The following SLC36A1 variants were observed in gnomAD, a reference collection of about 807,000 sequenced individuals.
SLC36A1 encodes solute carrier family 36 member 1, also known as proton-coupled amino acid transporter 1.
Under a neutral mutation model 47.5 loss-of-function variants are expected in SLC36A1, and 30 were observed. The observed-to-expected ratio is 0.63, with a 90% CI of 0.47 to 0.86. The LOEUF is 0.86. Ranked by LOEUF, SLC36A1 falls within the 40% of genes least tolerant of loss-of-function variation. The pLI is 0.00. For missense variants in SLC36A1, 517 were observed against 606.0 expected (o/e 0.85, Z 1.54); for synonymous variants, 255 against 249.7 (o/e 1.02, Z -0.20).
chr5:151,507,507 G>T, the SLC36A1 span: 1 of 1,614,128 alleles, frequency 6.2e-7, no homozygotes, highest in Non-Finnish European at 8.5e-7. Flanking sequence ...GAACGCCACG[G>T]CCACTGTGAT....
At chr5:151,430,162 C>CTTT in the SLC36A1 span, among the ~76,000 whole-genome samples, 1 of 130,704 alleles carries the variant, frequency 7.7e-6, no homozygotes. Context: ...ATTAGCTAAA[C>CTTT]TTTTTTTTTT....
At chr5:151,408,310 T>A in the SLC36A1 span, among the ~76,000 whole-genome samples, 7 of 152,130 alleles carry the variant, frequency 4.6e-5, no homozygotes, top group African/African-American at 1.7e-4. Flanking sequence ...TGCCTCAGCC[T>A]CCCAAGTAGC....
At chr5:151,454,083 A>ATT (rs35097474) in intron 1 of SLC36A1, among the ~76,000 whole-genome samples, 13,459 of 87,302 alleles carry the variant, frequency 0.15, 798 homozygotes, top group African/African-American at 0.21. Context: ...GTACACTTAA[A>ATT]TTTTTTTTTT....
intron 1 of SLC36A1, among the ~76,000 whole-genome samples, chr5:151,458,311 CGTA>C (rs1754932056): frequency 2.3e-5 from 1 of 43,902 alleles, no homozygotes; most frequent in African/African-American, 1.4e-4. Context: ...CGTGTATATA[CGTA>C]TATATATATA....
chr5:151,353,739 T>C, the SLC36A1 span, among the ~76,000 whole-genome samples: 1 of 152,160 alleles, frequency 6.6e-6, no homozygotes, highest in Non-Finnish European at 1.5e-5. Context: ...CTTTTCTAAC[T>C]CCTGGCAACT....
chr5:151,371,618 C>G, the SLC36A1 span, among the ~76,000 whole-genome samples: 3 of 152,116 alleles, frequency 2.0e-5, no homozygotes, highest in African/African-American at 7.2e-5. Context: ...AATATTCTAT[C>G]TTGTTATCAA....
the SLC36A1 span, among the ~76,000 whole-genome samples, chr5:151,428,574 AG>A: frequency 6.6e-6 from 1 of 152,120 alleles, no homozygotes; most frequent in Non-Finnish European, 1.5e-5. Flanking sequence ...CAGAACAGGC[AG>A]CCTGGCCTTC....
the SLC36A1 span, chr5:151,510,021 C>T: frequency 1.2e-6 from 2 of 1,613,898 alleles, no homozygotes; most frequent in Non-Finnish European, 1.7e-6. Flanking sequence ...CTGGGATTAC[C>T]TGTCTCCTGT....
At chr5:151,554,268 T>C in the SLC36A1 span, 10 of 1,159,858 alleles carry the variant, frequency 8.6e-6, no homozygotes, top group South Asian at 1.5e-5. Flanking sequence ...ATTTCCCTTA[T>C]GCTGGTGGGC....
the SLC36A1 span, among the ~76,000 whole-genome samples, chr5:151,400,250 T>C: frequency 1.5e-4 from 23 of 152,194 alleles, no homozygotes; most frequent in Non-Finnish European, 2.6e-4. Context: ...TCAGTGAGAA[T>C]ATGTGGTATT....
At chr5:151,357,010 C>A in the SLC36A1 span, among the ~76,000 whole-genome samples, 1 of 152,170 alleles carries the variant, frequency 6.6e-6, no homozygotes, top group Non-Finnish European at 1.5e-5. Flanking sequence ...AGCACTTGAC[C>A]CATCCAGAAT....
chr5:151,487,389 G>A (rs776213239), intron 10 of SLC36A1, among the ~76,000 whole-genome samples: 1 of 151,730 alleles, frequency 6.6e-6, no homozygotes, highest in Non-Finnish European at 1.5e-5. Context: ...GCCAGTGGGT[G>A]TCCTGTCACA....
chr5:151,479,765 C>A, intron 10 of SLC36A1: 1 of 529,656 alleles, frequency 1.9e-6, no homozygotes, highest in Non-Finnish European at 3.3e-6. Flanking sequence ...AGAGTAAAGA[C>A]ATGCGATTAC....
the SLC36A1 span, among the ~76,000 whole-genome samples, chr5:151,427,556 T>G: frequency 2.0e-5 from 3 of 152,198 alleles, no homozygotes; most frequent in East Asian, 3.9e-4. Context: ...GACTGAAACC[T>G]GTTCAGAGGT....
chr5:151,540,530 C>A, the SLC36A1 span: 2 of 1,575,540 alleles, frequency 1.3e-6, no homozygotes, highest in South Asian at 1.2e-5. Flanking sequence ...ATCTTCCTTG[C>A]CTTCACTACC....
chr5:151,506,264 CA>C, the SLC36A1 span, among the ~76,000 whole-genome samples: 1 of 152,222 alleles, frequency 6.6e-6, no homozygotes, highest in African/African-American at 2.4e-5. Flanking sequence ...ACATAGAATC[CA>C]ATGGGACAAG....
At chr5:151,534,270 T>G in the SLC36A1 span, 1 of 601,592 alleles carries the variant, frequency 1.7e-6, no homozygotes, top group Non-Finnish European at 2.9e-6. Context: ...GGATAAATAC[T>G]TTTTACTTTT....
At chr5:151,528,049 T>C in the SLC36A1 span, 1 of 1,614,172 alleles carries the variant, frequency 6.2e-7, no homozygotes, top group Non-Finnish European at 8.5e-7. Flanking sequence ...TTGGGGTGAA[T>C]GGTGAAGTGC....
chr5:151,394,244 T>C, the SLC36A1 span, among the ~76,000 whole-genome samples: 1 of 152,250 alleles, frequency 6.6e-6, no homozygotes, highest in Non-Finnish European at 1.5e-5. Context: ...GCCATGGTTT[T>C]CAGCTCCATC....
Sources: gnomAD v4.1 joint callset for allele counts (sites outside exome capture counted in the v4.1 genomes callset) on GRCh38, gnomAD v4.1.1 for gene constraint, MANE v1.5 for transcripts, NCBI Gene and HGNC (gene_info 2026-07-23, HGNC 2026-07-21) for gene names.